Variants in SLC24A2 observed in about 807,000 individuals in gnomAD.
SLC24A2 encodes sodium/potassium/calcium exchanger 2.
Under a neutral mutation model 62.0 loss-of-function variants are expected in SLC24A2, and 36 were observed. The observed-to-expected ratio is 0.58, with a 90% CI of 0.44 to 0.77. The LOEUF (loss-of-function observed/expected upper bound fraction) is 0.77. Among genes scored for constraint, SLC24A2 ranks in the 30% least tolerant of loss-of-function variants. The probability of loss-of-function intolerance (pLI) is 0.00; values close to 1 mark genes in which losing one functional copy is unlikely to be tolerated. For missense variants in SLC24A2, 846 were observed against 817.9 expected (o/e 1.03, Z -0.42); for synonymous variants, 358 against 294.0 (o/e 1.22, Z -2.23).
At chr9:19,669,555 A>G (rs1819354199) in intron 2 of SLC24A2, among the ~76,000 whole-genome samples, 1 of 152,256 alleles carries the variant, frequency 6.6e-6, no homozygotes, top group Admixed American at 6.5e-5. Flanking sequence ...TCACTGAGCT[A>G]AAAGCAAAGT....
chr9:20,209,929 A>G, the SLC24A2 span, among the ~76,000 whole-genome samples: 2 of 152,226 alleles, frequency 1.3e-5, no homozygotes, highest in Non-Finnish European at 2.9e-5. Flanking sequence ...CTTGACCTTG[A>G]TCATAAGGCC....
intron 2 of SLC24A2, among the ~76,000 whole-genome samples, chr9:19,666,343 C>CT (rs1168083163): frequency 6.6e-6 from 1 of 152,122 alleles, no homozygotes; most frequent in Non-Finnish European, 1.5e-5. Context: ...GAGGTTGAGG[C>CT]TGCAGTGAGT....
chr9:20,116,375 G>T, the SLC24A2 span, among the ~76,000 whole-genome samples: 3 of 152,126 alleles, frequency 2.0e-5, no homozygotes, highest in Admixed American at 6.6e-5. Context: ...TGGTTTCAAA[G>T]AAAGCATTCA....
At chr9:20,081,875 A>G in the SLC24A2 span, among the ~76,000 whole-genome samples, 1 of 152,140 alleles carries the variant, frequency 6.6e-6, no homozygotes, top group African/African-American at 2.4e-5. Flanking sequence ...TATTCTAATT[A>G]ATGTTATTTC....
chr9:19,517,957 A>ACACACT (rs71504202), intron 10 of SLC24A2, among the ~76,000 whole-genome samples: 55 of 135,584 alleles, frequency 4.1e-4, no homozygotes, highest in African/African-American at 1.3e-3. Context: ...ACACACACAC[A>ACACACT]CTCTCACACT....
the SLC24A2 span, among the ~76,000 whole-genome samples, chr9:20,136,470 G>C: frequency 9.2e-5 from 14 of 152,250 alleles, no homozygotes; most frequent in South Asian, 2.9e-3. Context: ...TTAACACTTA[G>C]ATTGTACTCT....
At chr9:20,137,264 T>C in the SLC24A2 span, among the ~76,000 whole-genome samples, 1 of 152,294 alleles carries the variant, frequency 6.6e-6, no homozygotes, top group South Asian at 2.1e-4. Context: ...ATTTAAAAGA[T>C]CACTTGCATA....
At chr9:20,075,905 C>G in the SLC24A2 span, among the ~76,000 whole-genome samples, 1 of 152,140 alleles carries the variant, frequency 6.6e-6, no homozygotes, top group Admixed American at 6.5e-5. Flanking sequence ...TACTCAAGTC[C>G]CTGATATAAA....
At chr9:19,517,910 AACACACACACACAC>A (rs56840950) in intron 10 of SLC24A2, among the ~76,000 whole-genome samples, 382 of 131,718 alleles carry the variant, frequency 2.9e-3, no homozygotes, top group African/African-American at 8.6e-3. Flanking sequence ...TTCTTATTAA[AACACACACACACAC>A]ACACACACAC....
chr9:19,716,269 A>T (rs573033436), intron 2 of SLC24A2, among the ~76,000 whole-genome samples: 1 of 152,326 alleles, frequency 6.6e-6, no homozygotes, highest in East Asian at 1.9e-4. Flanking sequence ...TTCTACAGTC[A>T]AAAGCTCTAC....
the SLC24A2 span, among the ~76,000 whole-genome samples, chr9:20,175,546 G>C: frequency 6.6e-6 from 1 of 151,818 alleles, no homozygotes; most frequent in African/African-American, 2.4e-5. Flanking sequence ...AATCAAAAAA[G>C]AAATATATGT....
At chr9:20,044,027 C>T in the SLC24A2 span, among the ~76,000 whole-genome samples, 4 of 152,192 alleles carry the variant, frequency 2.6e-5, no homozygotes, top group South Asian at 4.1e-4. Context: ...TCAGCAACCA[C>T]TACCCTGGTC....
At chr9:20,063,313 T>A in the SLC24A2 span, among the ~76,000 whole-genome samples, 1 of 150,846 alleles carries the variant, frequency 6.6e-6, no homozygotes, top group Non-Finnish European at 1.5e-5. Flanking sequence ...TAGGCAGCCA[T>A]CAAAAATGAT....
At chr9:20,079,484 A>C in the SLC24A2 span, among the ~76,000 whole-genome samples, 3 of 152,028 alleles carry the variant, frequency 2.0e-5, no homozygotes, top group African/African-American at 4.8e-5. Context: ...TTGTTTTCCC[A>C]CTTATTTTTT....
rs75321236 is a variant in SLC24A2 at position 19,611,004 on chromosome 9, G to A, written c.1078+8580C>T. Among the ~76,000 whole-genome samples, 1,490 of 152,348 alleles carry A rather than the reference G, an allele frequency of 9.8e-3. 11 individuals carry two copies. The highest frequency in any genetic ancestry group is 0.031 in the Middle Eastern group (9 of 294). ...CAAATACATACGTTCACGGGGACAA[G>A]TGTTAAGGAGAATGCAGAGCAGGGA... On this transcript the variant is annotated intron_variant, in intron 4 of 10. Coordinates refer to ENST00000341998, the MANE Select transcript of SLC24A2 (RefSeq NM_020344.4).
At chr9:20,182,964 G>C in the SLC24A2 span, among the ~76,000 whole-genome samples, 3 of 152,160 alleles carry the variant, frequency 2.0e-5, no homozygotes, top group Non-Finnish European at 4.4e-5. Context: ...TTTTAAAGTT[G>C]ATTTGTAAAA....
chr9:19,507,545 G>A lies in SLC24A2; in HGVS notation c.*8608C>T, dbSNP rs531587161. The A allele has an allele frequency of 6.6e-6, 1 of 152,186 alleles. No homozygotes were observed. The highest frequency in any genetic ancestry group is 1.9e-4 in the East Asian group (1 of 5,196). 9.4% of individuals were successfully genotyped at this position (152,186 alleles called of 1,614,324 possible). ...ATATTCTATGAATTGATTATCAGTA[G>A]TAGAAGCACAAAGGTATGGACAGTG... On this transcript the variant is annotated 3_prime_UTR_variant, in exon 11 of 11. Transcript: ENST00000341998.
chr9:20,296,671 A>C, the SLC24A2 span, among the ~76,000 whole-genome samples: 2 of 152,242 alleles, frequency 1.3e-5, no homozygotes, highest in African/African-American at 4.8e-5. Flanking sequence ...GTGGTGACCC[A>C]CTGTGGTTTT....
chr9:19,633,523 T>C (rs912256900), intron 2 of SLC24A2, among the ~76,000 whole-genome samples: 2 of 152,216 alleles, frequency 1.3e-5, no homozygotes, highest in Admixed American at 6.5e-5. Context: ...TGTGGTATCA[T>C]AGTTGTTTAT....
Sources: gnomAD v4.1 joint callset for allele counts (sites outside exome capture counted in the v4.1 genomes callset) on GRCh38, gnomAD v4.1.1 for gene constraint, MANE v1.5 for transcripts, NCBI Gene and HGNC (gene_info 2026-07-23, HGNC 2026-07-21) for gene names.